The following HIPK3 variants were observed in gnomAD, a reference collection of about 807,000 sequenced individuals.
HIPK3 encodes homeodomain-interacting protein kinase 3.
HIPK3 carries 47 observed loss-of-function variants against 124.2 expected under a neutral mutation model. That is an observed-to-expected ratio of 0.38 (90% confidence interval 0.30 to 0.48). HIPK3 has a LOEUF of 0.48. HIPK3 is among the 20% of genes least tolerant of loss of function. The pLI, the probability that HIPK3 is intolerant of heterozygous loss-of-function variation, is 0.98. For missense variants in HIPK3, 1,286 were observed against 1,454.3 expected, an observed-to-expected ratio of 0.88 and a Z score of 1.88; for synonymous variants, 482 against 515.2, an observed-to-expected ratio of 0.94 and a Z score of 0.87.
chr11:33,295,283 C>CA (rs1554963988), intron 2 of HIPK3, among the ~76,000 whole-genome samples: 2 of 149,102 alleles, frequency 1.3e-5, no homozygotes, highest in South Asian at 4.3e-4. Flanking sequence ...CACCGCCCCC[C>CA]CCCCACAACT....
Position 33,355,761 on chromosome 11 carries a change from TGAA to T in HIPK3, c.*2195_*2197del, listed in dbSNP as rs1853799830. ...AGTACATTTTTAGTCACACTGAAAATGAAGGACTTAATTTTCCCCACAAGTTTC... is the reference window on the plus strand; with the variant it reads ...AGTACATTTTTAGTCACACTGAAAATGGACTTAATTTTCCCCACAAGTTTC... On this transcript the variant is annotated 3_prime_UTR_variant, in exon 17 of 17. Coordinates refer to ENST00000303296, the MANE Select transcript of HIPK3 (RefSeq NM_005734.5). The T allele has an allele frequency of 6.6e-6, 1 of 151,944 alleles. No individual in the cohort carries two copies. Among genetic ancestry groups the T allele is most frequent in the African/African-American group, 2.4e-5 (1 of 41,444 alleles). 9.4% of individuals were successfully genotyped at this position (151,944 alleles called of 1,614,324 possible). A position where few individuals can be genotyped will look rare whatever the true frequency, so the allele number is the denominator to read the frequency against.
chr11:33,335,949 A>T (rs538247198), intron 3 of HIPK3, among the ~76,000 whole-genome samples: 2 of 152,156 alleles, frequency 1.3e-5, no homozygotes, highest in African/African-American at 2.4e-5. Context: ...CCTACTGTGT[A>T]CCATGCACTT....
intron 1 of HIPK3, among the ~76,000 whole-genome samples, chr11:33,266,570 G>A (rs1850970988): frequency 6.6e-6 from 1 of 152,112 alleles, no homozygotes; most frequent in African/African-American, 2.4e-5. Flanking sequence ...ATTCAGGCAT[G>A]GTGGTGCATG....
chr11:33,262,470 G>A (rs1166837345), intron 1 of HIPK3, among the ~76,000 whole-genome samples: 1 of 152,222 alleles, frequency 6.6e-6, no homozygotes, highest in East Asian at 1.9e-4. Flanking sequence ...GCAGCATATT[G>A]TCTGGATTCT....
chr11:33,344,717 T>G (rs530694357), intron 8 of HIPK3, among the ~76,000 whole-genome samples: 2 of 152,330 alleles, frequency 1.3e-5, no homozygotes, highest in South Asian at 4.1e-4. Context: ...CAGTATGTTT[T>G]AGCTTTTATA....
intron 2 of HIPK3, among the ~76,000 whole-genome samples, chr11:33,312,758 G>A (rs1406427762): frequency 6.6e-6 from 1 of 152,142 alleles, no homozygotes; most frequent in East Asian, 1.9e-4. Flanking sequence ...AATCACTCAA[G>A]CACTCTTAAC....
intron 6 of HIPK3, among the ~76,000 whole-genome samples, chr11:33,339,746 C>A (rs984448457): frequency 1.3e-5 from 2 of 152,096 alleles, no homozygotes; most frequent in Non-Finnish European, 2.9e-5. Flanking sequence ...CTCCAAAATG[C>A]GATACTAAAA....
chr11:33,319,144 C>A (rs1344015947), intron 2 of HIPK3, among the ~76,000 whole-genome samples: 1 of 152,180 alleles, frequency 6.6e-6, no homozygotes, highest in Non-Finnish European at 1.5e-5. Flanking sequence ...TCATGTAGAA[C>A]ATTTTGTTTA....
intron 2 of HIPK3, among the ~76,000 whole-genome samples, chr11:33,313,895 T>A (rs927067735): frequency 2.6e-5 from 4 of 152,072 alleles, no homozygotes; most frequent in Non-Finnish European, 5.9e-5. Context: ...CAGGCTGGAG[T>A]GCAGTGGTAT....
chr11:33,328,498 T>C lies in HIPK3; in HGVS notation c.1098-12T>C, dbSNP rs1204315920. 6.2e-7 allele frequency: 1 copy of C among 1,607,122 alleles called. No homozygotes were observed. The highest frequency in any genetic ancestry group is 1.1e-5 in the South Asian group (1 of 88,938). ...AAACCACCCTGATTTTTGTTTTAAT[T>C]TTAAATTTCAGAGCTCCAGAGATTA... On this transcript the variant is annotated splice_polypyrimidine_tract_variant and intron_variant, in intron 2 of 16. Transcript: ENST00000303296.
intron 1 of HIPK3, among the ~76,000 whole-genome samples, chr11:33,282,290 T>A (rs1352204662): frequency 6.6e-6 from 1 of 151,606 alleles, no homozygotes; most frequent in Admixed American, 6.6e-5. Context: ...GAGGCTGAGG[T>A]GGGAGGATCG....
intron 2 of HIPK3, among the ~76,000 whole-genome samples, chr11:33,310,009 G>T (rs1000494975): frequency 2.6e-5 from 4 of 151,896 alleles, no homozygotes; most frequent in Non-Finnish European, 5.9e-5. Context: ...CATTTCTATT[G>T]TTATTTTAAA....
rs756588954 is a variant in HIPK3, at chr11:33,286,760, T to C, written c.346T>C (p.Leu116=). Residue 116 remains leucine, a synonymous_variant, in exon 2 of 17, where the codon TTG becomes CTG. Transcript: ENST00000303296. ...APQIGAWRNR[L]HFLEGPQRCG... ...TCAGATTGGGGCGTGGCGAAACAGA[T>C]TGCATTTCCTAGAAGGCCCCCAGCG... 1.2e-6 allele frequency: 2 copies of C among 1,614,048 alleles called. No individual in the cohort carries two copies. The highest frequency in any genetic ancestry group is 2.2e-5 in the South Asian group (2 of 91,084).
chr11:33,315,771 T>C (rs1852484055), intron 2 of HIPK3, among the ~76,000 whole-genome samples: 1 of 152,246 alleles, frequency 6.6e-6, no homozygotes, highest in Admixed American at 6.5e-5. Flanking sequence ...TTGTGGCATA[T>C]TGGTAACAAA....
In HIPK3 at chr11:33,328,495, A is replaced by G. The variant is rs973296739; in HGVS notation, c.1098-15A>G. Reference sequence around the variant, plus strand: ...GAAAAACCACCCTGATTTTTGTTTTAATTTTAAATTTCAGAGCTCCAGAGA... The same window carrying G: ...GAAAAACCACCCTGATTTTTGTTTTGATTTTAAATTTCAGAGCTCCAGAGA... On this transcript the variant is annotated splice_polypyrimidine_tract_variant and intron_variant, in intron 2 of 16. Coordinates refer to ENST00000303296, the MANE Select transcript of HIPK3 (RefSeq NM_005734.5). 6.2e-7 allele frequency: 1 copy of G among 1,604,616 alleles called. No homozygotes were observed. The highest frequency in any genetic ancestry group is 8.5e-7 in the Non-Finnish European group (1 of 1,176,652).
intron 2 of HIPK3, among the ~76,000 whole-genome samples, chr11:33,288,458 AAAAAC>A (rs1224609796): frequency 6.6e-6 from 1 of 152,194 alleles, no homozygotes; most frequent in Non-Finnish European, 1.5e-5. Flanking sequence ...TCTGTCTCAA[AAAAAC>A]AAAACAAAAC....
rs576327545 is a variant in HIPK3 at position 33,356,387 on chromosome 11, C to A, written c.*2819C>A. On this transcript the variant is annotated 3_prime_UTR_variant, in exon 17 of 17. Transcript: ENST00000303296. ...TTATACCTTTTAAAAACCATTTTGA[C>A]CAGTTTTCTTCGGTTTTAATGCTTT... 2.0e-5 allele frequency: 3 copies of A among 152,064 alleles called. No individual in the cohort carries two copies. Among genetic ancestry groups the A allele is most frequent in the African/African-American group, 7.2e-5 (3 of 41,522 alleles). The allele number at this position is 152,064 out of a possible 1,614,324, so 9.4% of individuals were successfully genotyped here.
intron 7 of HIPK3, 46 bp downstream of exon 7, chr11:33,341,173 T>C (rs569296795): frequency 7.8e-6 from 11 of 1,403,630 alleles, no homozygotes; most frequent in Middle Eastern, 1.9e-4. Context: ...TTTTTAATGA[T>C]TGCGCATTTT....
At chr11:33,324,462 G>T (rs1852753041) in intron 2 of HIPK3, among the ~76,000 whole-genome samples, 1 of 152,194 alleles carries the variant, frequency 6.6e-6, no homozygotes, top group South Asian at 2.1e-4. Flanking sequence ...CTCTATGATA[G>T]ATAACGTATT....
Sources: allele counts gnomAD v4.1 joint callset (sites outside exome capture counted in the v4.1 genomes callset), GRCh38; gene constraint gnomAD v4.1.1; transcripts MANE v1.5; gene names NCBI Gene and HGNC (gene_info 2026-07-23, HGNC 2026-07-21).